Variants in ARHGAP29 observed in about 807,000 individuals in gnomAD.
ARHGAP29 encodes Rho GTPase activating protein 29, also known as rho GTPase-activating protein 29.
Under a neutral mutation model 122.6 loss-of-function variants are expected in ARHGAP29, and 43 were observed. That is an observed-to-expected ratio of 0.35 (90% CI 0.27 to 0.45). The LOEUF is 0.45. Among genes scored for constraint, ARHGAP29 ranks in the 20% least tolerant of loss-of-function variants. ARHGAP29 has a pLI of 1.00. For synonymous variants in ARHGAP29, 506 were observed against 497.1 expected (o/e 1.02, Z -0.24); for missense variants, 1,303 against 1,477.2 (o/e 0.88, Z 1.93).
intron 22 of ARHGAP29, 38 bp from the exon 23 acceptor site, chr1:94,174,787 T>C (rs770265492): frequency 1.9e-6 from 3 of 1,591,460 alleles, no homozygotes; most frequent in South Asian, 2.3e-5. Context: ...TTGTGGCACA[T>C]GGTTAATAAG....
At chr1:94,283,803 TATAAACTTAGAAAATCAGTGG>T in the ARHGAP29 span, among the ~76,000 whole-genome samples, 2 of 152,228 alleles carry the variant, frequency 1.3e-5, no homozygotes, top group African/African-American at 4.8e-5. Flanking sequence ...AAAATGTAGC[TATAAACTTAGAAAATCAGTGG>T]ATACTATCAA....
rs773584921 is a variant in ARHGAP29, at chr1:94,209,300, C to G, written c.391G>C (p.Glu131Gln). Residue 131 changes from glutamate to glutamine, a missense_variant, in exon 4 of 23, where the codon GAA (glutamate) becomes CAA (glutamine). This residue lies in a region of ARHGAP29 where 592 missense variants were observed against 648.2 expected (regional missense o/e 0.91). Transcript: ENST00000260526. Reference sequence around the variant, plus strand: ...AAAGTTTCAATAGAAGAAAACACTTCCTGGAAGAGATCGTTTTTGTTTTCT... The same window carrying G: ...AAAGTTTCAATAGAAGAAAACACTTGCTGGAAGAGATCGTTTTTGTTTTCT... ...NEENKNDLFQEVFSSIETLAF... is the reference protein window; with the variant it reads ...NEENKNDLFQQVFSSIETLAF... The G allele has an allele frequency of 6.2e-6, 10 of 1,610,276 alleles. No individual in the cohort carries two copies. The highest frequency in any genetic ancestry group is 3.4e-4 in the Middle Eastern group (2 of 5,958).
At position 94,174,827 on chromosome 1, in the gene ARHGAP29, C is replaced by G; in HGVS notation, c.2906-78G>C. On this transcript the variant is annotated intron_variant, in intron 22 of 22. Coordinates refer to ENST00000260526, the MANE Select transcript of ARHGAP29 (RefSeq NM_004815.4). ...TTTGAATGAGTTAGAGATGAACACT[C>G]TATCAAGACAATATGAGTCTTACAT... 2 of 1,436,932 alleles carry G rather than the reference C, an allele frequency of 1.4e-6. 1 individual carries two copies. Among genetic ancestry groups the G allele is most frequent in the Admixed American group, 4.3e-5 (2 of 46,186 alleles). 89.0% of individuals were successfully genotyped at this position (1,436,932 alleles called of 1,614,324 possible).
At chr1:94,244,441 C>G (rs148805905) in intron 1 of ARHGAP29, among the ~76,000 whole-genome samples, 1 of 151,994 alleles carries the variant, frequency 6.6e-6, no homozygotes, top group African/African-American at 2.4e-5. Context: ...ATGATTAAAA[C>G]AGTCAACAAC....
chr1:94,202,143 G>C, intron 11 of ARHGAP29: 1 of 431,932 alleles, frequency 2.3e-6, no homozygotes, highest in African/African-American at 2.0e-5. Context: ...TACAGAATTT[G>C]TTCGTAAAAT....
intron 22 of ARHGAP29, chr1:94,176,758 C>T (rs1444203254): frequency 6.6e-6 from 1 of 152,152 alleles, no homozygotes; most frequent in Non-Finnish European, 1.5e-5. Flanking sequence ...CAGGCGCCCA[C>T]CACCACACCT....
chr1:94,254,450 A>G (rs143214076), intron 1 of ARHGAP29, among the ~76,000 whole-genome samples: 294 of 152,346 alleles, frequency 1.9e-3, no homozygotes, highest in African/African-American at 6.4e-3. Context: ...TGAAGACAGT[A>G]AGTTGCCTTG....
intron 3 of ARHGAP29, among the ~76,000 whole-genome samples, chr1:94,218,446 C>G (rs766497301): frequency 3.9e-5 from 6 of 152,208 alleles, no homozygotes; most frequent in Admixed American, 1.3e-4. Context: ...AGAGCACTCT[C>G]TTCAAGTTTG....
At chr1:94,175,908 T>A (rs1286066918) in intron 22 of ARHGAP29, among the ~76,000 whole-genome samples, 1 of 152,128 alleles carries the variant, frequency 6.6e-6, no homozygotes, top group African/African-American at 2.4e-5. Context: ...TTTCACCATG[T>A]TGGCCAGGCT....
upstream of ARHGAP29, among the ~76,000 whole-genome samples, chr1:94,279,677 T>C (rs1034822371): frequency 4.6e-5 from 7 of 152,364 alleles, no homozygotes; most frequent in Non-Finnish European, 7.3e-5. Context: ...TGAATAAGTA[T>C]ATTCATAGAA....
Position 94,170,502 on chromosome 1 carries a change from G to C in ARHGAP29, c.*3367C>G, listed in dbSNP as rs1648661243. The stretch of plus-strand genomic sequence containing the variant: ...CCTGGATTGGGATGCTGAAACACAG[G>C]AACATTACTGAGGCAATCAAAATCA... On this transcript the variant is annotated 3_prime_UTR_variant, in exon 23 of 23. Coordinates refer to ENST00000260526, the MANE Select transcript of ARHGAP29 (RefSeq NM_004815.4). Among the ~76,000 whole-genome samples, 1 of 152,138 alleles carries C rather than the reference G, an allele frequency of 6.6e-6. No homozygotes were observed.
chr1:94,184,944 C>T lies in ARHGAP29; in HGVS notation c.2037G>A (p.Lys679=). The change falls in exon 18 of 23, where the codon AAG becomes AAA. Residue 679 remains lysine (K), a synonymous_variant. Transcript: ENST00000260526. ...GTATAAAAGGGATACCATCTGGTTCCTTTTTTGCAACTTGTGTGAATTCTG... is the reference window on the plus strand; with the variant it reads ...GTATAAAAGGGATACCATCTGGTTCTTTTTTTGCAACTTGTGTGAATTCTG... ...FGAEFTQVAK[K]EPDGIPFILK... is the part of the protein sequence containing the mutation. 6.2e-7 allele frequency: 1 copy of T among 1,613,404 alleles called. No individual in the cohort carries two copies. Among genetic ancestry groups the T allele is most frequent in the South Asian group, 1.1e-5 (1 of 91,012 alleles).
chr1:94,251,371 G>T (rs1004605784), intron 1 of ARHGAP29, among the ~76,000 whole-genome samples: 1 of 151,828 alleles, frequency 6.6e-6, no homozygotes, highest in African/African-American at 2.4e-5. Context: ...GGGTTTCACC[G>T]TGTTAGCTAG....
chr1:94,221,128 A>G (rs1475469654), intron 2 of ARHGAP29, among the ~76,000 whole-genome samples: 1 of 152,174 alleles, frequency 6.6e-6, no homozygotes, highest in Admixed American at 6.5e-5. Context: ...TAAGATGACT[A>G]TACAATTTAT....
chr1:94,233,259 G>A (rs6681827), intron 1 of ARHGAP29, among the ~76,000 whole-genome samples: 134,361 of 152,030 alleles, frequency 0.88, 59,584 homozygotes, highest in Non-Finnish European at 0.92. Context: ...GGCCCACTAG[G>A]AAGTTTTATG....
intron 1 of ARHGAP29, among the ~76,000 whole-genome samples, chr1:94,263,224 C>G (rs1026646262): frequency 6.6e-6 from 1 of 151,996 alleles, no homozygotes; most frequent in Non-Finnish European, 1.5e-5. Flanking sequence ...AGGAAAACAA[C>G]AGACACAGGA....
intron 12 of ARHGAP29, among the ~76,000 whole-genome samples, chr1:94,200,792 C>T (rs1042903849): frequency 1.3e-5 from 2 of 152,112 alleles, no homozygotes; most frequent in African/African-American, 4.8e-5. Context: ...AGGTTATATA[C>T]TATATGATTT....
intron 2 of ARHGAP29, among the ~76,000 whole-genome samples, chr1:94,230,180 A>AT (rs1270594410): frequency 6.6e-6 from 1 of 151,740 alleles, no homozygotes; most frequent in Non-Finnish European, 1.5e-5. Flanking sequence ...ACAAATTGTT[A>AT]TTACAAAGCT....
In ARHGAP29 at chr1:94,172,044, A is replaced by G. The variant is rs752669547; in HGVS notation, c.*1825T>C. ...AAAATTTTTTAAAGTTGCATTTTCT[A>G]TTGTTAAAAACTACCAGATATTATT... On this transcript the variant is annotated 3_prime_UTR_variant, in exon 23 of 23. Transcript: ENST00000260526. 2.0e-5 allele frequency: 3 copies of G among 152,164 alleles called. No homozygotes were observed. Among genetic ancestry groups the G allele is most frequent in the Non-Finnish European group, 4.4e-5 (3 of 68,022 alleles). The allele number at this position is 152,164 out of a possible 1,614,324, so 9.4% of individuals were successfully genotyped here. A position where few individuals can be genotyped will look rare whatever the true frequency, so the allele number is the denominator to read the frequency against.
Sources: gnomAD v4.1 joint callset for allele counts (sites outside exome capture counted in the v4.1 genomes callset) on GRCh38, gnomAD v4.1.1 for gene constraint, gnomAD v4.1.1 regional missense constraint, MANE v1.5 for transcripts, NCBI Gene and HGNC (gene_info 2026-07-23, HGNC 2026-07-21) for gene names.